PLA2R1: variants seen among roughly 807,000 people sequenced by gnomAD.
PLA2R1 encodes the protein secretory phospholipase A2 receptor.
Under a neutral mutation model 195.9 loss-of-function variants are expected in PLA2R1, and 158 were observed. The ratio of observed to expected loss-of-function variants is 0.81; its 90% CI spans 0.71 to 0.92. PLA2R1 has a LOEUF of 0.92. Ranked by LOEUF, PLA2R1 falls within the 40% of genes least tolerant of loss-of-function variation. PLA2R1 has a pLI of 0.00. For synonymous variants in PLA2R1, 586 were observed against 598.2 expected, an observed-to-expected ratio of 0.98 and a Z score of 0.30; for missense variants, 1,626 against 1,764.6, an observed-to-expected ratio of 0.92 and a Z score of 1.41.
At chr2:159,942,013 T>TA (rs756538371) in intron 29 of PLA2R1, 21 bp from the exon 30 acceptor site, 1 of 1,601,840 alleles carries the variant, frequency 6.2e-7, no homozygotes. Flanking sequence ...ATATTTTTCT[T>TA]AAAAAAAGAA....
intron 4 of PLA2R1, among the ~76,000 whole-genome samples, chr2:160,029,801 T>C (rs771563274): frequency 6.6e-6 from 1 of 152,134 alleles, no homozygotes; most frequent in African/African-American, 2.4e-5. Flanking sequence ...GTCAGAAACA[T>C]AATGAAAGTG....
intron 17 of PLA2R1, among the ~76,000 whole-genome samples, chr2:159,971,486 AC>A (rs1689179011): frequency 8.0e-6 from 1 of 125,394 alleles, no homozygotes; most frequent in African/African-American, 2.5e-5. Context: ...ACACACACAC[AC>A]ATACACACAC....
intron 3 of PLA2R1, among the ~76,000 whole-genome samples, chr2:160,038,419 C>T (rs66484345): frequency 0.35 from 53,780 of 152,054 alleles, 11,849 homozygotes; most frequent in Non-Finnish European, 0.5. Context: ...GGAATTCCAA[C>T]GCTGCTGGAA....
Position 160,011,604 on chromosome 2 carries a change from A to G in PLA2R1, c.1664+1659T>C, listed in dbSNP as rs753862653. On this transcript the variant is annotated intron_variant, in intron 10 of 29. Coordinates refer to ENST00000283243, the MANE Select transcript of PLA2R1 (RefSeq NM_007366.5). ...AAATAAAGAATAAGACATAAAAAAC[A>G]GGTGAAACAATTGGACTTATTTTCT... Among the ~76,000 whole-genome samples the G allele has an allele frequency of 3.9e-5, 6 of 152,374 alleles. No homozygotes were observed. In the South Asian group the frequency reaches 6.2e-4, roughly 16 times the overall value.
rs200015321 is a variant in PLA2R1 at position 160,042,179 on chromosome 2, C to A, written c.513G>T (p.Gly171=). ...ACATACACGGCATCCCGTGGGTGTT[C>A]CCTTTGATTGTATGCAAATCTAGGA... The part of the protein sequence containing the change: ...YLHKDLHTIK[G]NTHGMPCMFP... Residue 171 remains glycine, a synonymous_variant, in exon 3 of 30, where the codon GGG becomes GGT. Coordinates refer to ENST00000283243, the MANE Select transcript of PLA2R1 (RefSeq NM_007366.5). 6.2e-7 allele frequency: 1 copy of A among 1,613,612 alleles called. No individual in the cohort carries two copies. The highest frequency in any genetic ancestry group is 1.3e-5 in the African/African-American group (1 of 75,062).
Position 159,941,897 on chromosome 2 carries a change from C to A in PLA2R1, c.4273G>T (p.Gly1425Cys), listed in dbSNP as rs201567578. The A allele has an allele frequency of 1.3e-5, 21 of 1,613,418 alleles. No individual in the cohort carries two copies. Among genetic ancestry groups the A allele is most frequent in the Admixed American group, 1.7e-5 (1 of 59,952 alleles). Reference sequence around the variant, plus strand: ...CCTGCAAGTCTCCTGAAGAAGCCACCGTTATGCTTGTATATGCAGAAGGAA... The same window carrying A: ...CCTGCAAGTCTCCTGAAGAAGCCACAGTTATGCTTGTATATGCAGAAGGAA... ...TLSFCIYKHNGGFFRRLAGFR... is the reference protein window; with the variant it reads ...TLSFCIYKHNCGFFRRLAGFR... Residue 1425 changes from glycine (G) to cysteine (C), a missense_variant, in exon 30 of 30, where the codon GGT (glycine) becomes TGT (cysteine). Physicochemically the swap from Gly to Cys is radical, Grantham distance 159 (BLOSUM62 -3). Transcript: ENST00000283243.
At chr2:160,016,469 G>T in intron 9 of PLA2R1, 145 bp downstream of exon 9, 1 of 557,816 alleles carries the variant, frequency 1.8e-6, no homozygotes. Context: ...GGAAAGGAAA[G>T]AAGGGGGGGG....
intron 1 of PLA2R1, among the ~76,000 whole-genome samples, chr2:160,051,236 G>T (rs1374564557): frequency 1.3e-5 from 2 of 152,226 alleles, no homozygotes; most frequent in African/African-American, 4.8e-5. Context: ...GGAAGGAAAA[G>T]TTCCAGTGCA....
In PLA2R1 at chr2:159,936,538, A is replaced by G. The variant is rs1300605545; in HGVS notation, c.*5240T>C. On this transcript the variant is annotated 3_prime_UTR_variant, in exon 30 of 30. Coordinates refer to ENST00000283243, the MANE Select transcript of PLA2R1 (RefSeq NM_007366.5). ...CTCTCTTCTTTTTTTGTAGCTATACATGTTGAGAAACTCTGGTAGCAATTG... is the reference window on the plus strand; with the variant it reads ...CTCTCTTCTTTTTTTGTAGCTATACGTGTTGAGAAACTCTGGTAGCAATTG... 6.6e-6 allele frequency: 1 copy of G among 152,210 alleles called. No homozygotes were observed. Among genetic ancestry groups the G allele is most frequent in the Admixed American group, 6.5e-5 (1 of 15,276 alleles). 9.4% of individuals were successfully genotyped at this position (152,210 alleles called of 1,614,324 possible).
rs532169665 is a variant in PLA2R1, at chr2:160,003,586, T to C, written c.1834+2066A>G. 3.3e-5 allele frequency among the ~76,000 whole-genome samples: 5 copies of C among 152,274 alleles called. No homozygotes were observed. The South Asian group carries it at 1.0e-3, about 32-fold the overall frequency. ...AATGAAAAGGTAGACATTAAAAGAA[T>C]AGTAAAACTTTTTTTATTCTATCAA... On this transcript the variant is annotated intron_variant, in intron 11 of 29. Transcript: ENST00000283243.
rs1423105700 is a variant in PLA2R1, at chr2:159,938,771, A to G, written c.*3007T>C. ...GACACAGCAAGTTCTTATATATCCA[A>G]CCACCATTTTGAGAAGAGTAAAGAA... On this transcript the variant is annotated 3_prime_UTR_variant, in exon 30 of 30. Coordinates refer to ENST00000283243, the MANE Select transcript of PLA2R1 (RefSeq NM_007366.5). The G allele has an allele frequency of 6.6e-6, 1 of 152,230 alleles. No individual in the cohort carries two copies. Among genetic ancestry groups the G allele is most frequent in the East Asian group, 1.9e-4 (1 of 5,204 alleles). 9.4% of individuals were successfully genotyped at this position (152,230 alleles called of 1,614,324 possible).
rs1692498934 is a variant in PLA2R1 at position 160,013,456 on chromosome 2, C to T, written c.1552-81G>A. ...GAGATATTTTTGCATACTCTTTTAC[C>T]ACCTACATAACTTTCTTCTCTTACT... On this transcript the variant is annotated intron_variant, in intron 9 of 29. Transcript: ENST00000283243. 4.1e-6 allele frequency: 3 copies of T among 737,452 alleles called. No individual in the cohort carries two copies. The East Asian group carries it at 8.1e-5, about 20-fold the overall frequency. The allele number at this position is 737,452 out of a possible 1,614,324, so 45.7% of individuals were successfully genotyped here.
intron 11 of PLA2R1, among the ~76,000 whole-genome samples, chr2:159,988,927 G>C (rs1170900077): frequency 6.6e-6 from 1 of 152,176 alleles, no homozygotes; most frequent in African/African-American, 2.4e-5. Context: ...GTGTATGAGT[G>C]TTTGTGTCTT....
chr2:160,023,690 T>C (rs1693300635), intron 6 of PLA2R1, among the ~76,000 whole-genome samples: 1 of 152,250 alleles, frequency 6.6e-6, no homozygotes, highest in South Asian at 2.1e-4. Flanking sequence ...TTTCCTTTTA[T>C]GGATTCGCCT....
At chr2:159,994,786 G>A (rs891819532) in intron 11 of PLA2R1, among the ~76,000 whole-genome samples, 1 of 151,698 alleles carries the variant, frequency 6.6e-6, no homozygotes. Context: ...TTAATACTAA[G>A]TTGAAAAAAA....
intron 3 of PLA2R1, among the ~76,000 whole-genome samples, chr2:160,035,647 G>A (rs1454663529): frequency 1.3e-5 from 2 of 152,138 alleles, no homozygotes; most frequent in Non-Finnish European, 2.9e-5. Context: ...ATAACTTTGA[G>A]TCTCCTATTA....
chr2:159,924,735 G>C, the PLA2R1 span, among the ~76,000 whole-genome samples: 53 of 150,354 alleles, frequency 3.5e-4, no homozygotes, highest in African/African-American at 1.2e-3. Flanking sequence ...GGGCTGGGGG[G>C]GGGGCGGTGC....
chr2:160,062,134 G>C (rs924741791), intron 1 of PLA2R1, among the ~76,000 whole-genome samples, 161 bp downstream of exon 1: 1 of 151,926 alleles, frequency 6.6e-6, no homozygotes, highest in East Asian at 2.0e-4. Context: ...GACACCACCC[G>C]CTCCCCCCAT....
At chr2:160,039,017 C>A (rs1251072162) in intron 3 of PLA2R1, among the ~76,000 whole-genome samples, 2 of 151,976 alleles carry the variant, frequency 1.3e-5, no homozygotes, top group South Asian at 4.2e-4. Flanking sequence ...CAGGTGCCTA[C>A]CACCACACCC....
Sources: gnomAD v4.1 joint callset for allele counts (sites outside exome capture counted in the v4.1 genomes callset) on GRCh38, gnomAD v4.1.1 for gene constraint, MANE v1.5 for transcripts, NCBI Gene and HGNC (gene_info 2026-07-23, HGNC 2026-07-21) for gene names.